The following TMEM132D variants were observed in gnomAD, a reference collection of about 807,000 sequenced individuals.
The protein encoded by TMEM132D is transmembrane protein 132D, also known as mature OL transmembrane protein.
Under a neutral mutation model 62.3 loss-of-function variants are expected in TMEM132D, and 21 were observed. That is an observed-to-expected ratio of 0.34 (90% confidence interval 0.24 to 0.49). TMEM132D has a LOEUF of 0.49. Among genes scored for constraint, TMEM132D ranks in the 20% least tolerant of loss-of-function variants. TMEM132D has a pLI of 0.99. For synonymous variants in TMEM132D, 621 were observed against 575.6 expected (o/e 1.08, Z -1.13); for missense variants, 1,346 against 1,402.8 (o/e 0.96, Z 0.65).
chr12:129,126,332 T>C (rs1876211890), intron 5 of TMEM132D, among the ~76,000 whole-genome samples: 1 of 152,004 alleles, frequency 6.6e-6, no homozygotes, highest in Non-Finnish European at 1.5e-5. Context: ...GCTATCACTT[T>C]CATTCTCTTG....
chr12:129,806,572 T>C lies in TMEM132D; in HGVS notation c.79+96689A>G, dbSNP rs543872566. 1.5e-4 allele frequency among the ~76,000 whole-genome samples: 21 copies of C among 142,020 alleles called. No homozygotes were observed. In the South Asian group the frequency reaches 3.0e-3, roughly 20 times the overall value. The allele number at this position is 142,020 out of a possible 152,430, so 93.2% of individuals were successfully genotyped here. A position where few individuals can be genotyped will look rare whatever the true frequency, so the allele number is the denominator to read the frequency against. Reference sequence around the variant, plus strand: ...GTGGGGGGAGGGGGGAGGGATAGCATTGGGAGATACACCTAATGCTAGATG... The same window carrying C: ...GTGGGGGGAGGGGGGAGGGATAGCACTGGGAGATACACCTAATGCTAGATG... On this transcript the variant is annotated intron_variant, in intron 1 of 8. Transcript: ENST00000422113.
chr12:129,298,313 G>GT (rs907866081), intron 4 of TMEM132D, among the ~76,000 whole-genome samples: 4 of 152,120 alleles, frequency 2.6e-5, no homozygotes, highest in African/African-American at 4.8e-5. Flanking sequence ...GCTTTTTAAT[G>GT]TTTTTTATTT....
intron 1 of TMEM132D, among the ~76,000 whole-genome samples, chr12:129,762,505 T>C (rs983449108): frequency 2.6e-5 from 4 of 152,126 alleles, no homozygotes; most frequent in Non-Finnish European, 4.4e-5. Context: ...TGCTCTGTCT[T>C]CTTTTCACCC....
intron 1 of TMEM132D, among the ~76,000 whole-genome samples, chr12:129,848,864 C>G (rs558258927): frequency 4.6e-5 from 7 of 152,196 alleles, no homozygotes; most frequent in Non-Finnish European, 1.0e-4. Flanking sequence ...GAAGTGAATT[C>G]TCCTACCACC....
At chr12:129,790,184 G>A (rs1355533440) in intron 1 of TMEM132D, among the ~76,000 whole-genome samples, 1 of 152,156 alleles carries the variant, frequency 6.6e-6, no homozygotes, top group Non-Finnish European at 1.5e-5. Flanking sequence ...GTGTGGCCCC[G>A]CGGCAGCATC....
intron 4 of TMEM132D, among the ~76,000 whole-genome samples, chr12:129,304,329 A>G (rs375560467): frequency 1.8e-4 from 28 of 152,040 alleles, no homozygotes; most frequent in East Asian, 3.9e-4. Flanking sequence ...TGGCCTGAAC[A>G]ATCCCATATC....
chr12:129,429,047 C>A (rs1318178498), intron 3 of TMEM132D, among the ~76,000 whole-genome samples: 1 of 150,906 alleles, frequency 6.6e-6, no homozygotes, highest in South Asian at 2.1e-4. Context: ...AGTCCAAAGT[C>A]CTTCAAGTTA....
At chr12:129,174,886 G>A (rs1363548456) in intron 5 of TMEM132D, among the ~76,000 whole-genome samples, 1 of 152,200 alleles carries the variant, frequency 6.6e-6, no homozygotes, top group African/African-American at 2.4e-5. Context: ...CTTTTGAGAA[G>A]TGTCTGTTCA....
At chr12:129,865,727 T>C (rs1014042675) in intron 1 of TMEM132D, among the ~76,000 whole-genome samples, 12 of 152,242 alleles carry the variant, frequency 7.9e-5, no homozygotes, top group African/African-American at 2.9e-4. Context: ...GCATCCTCTA[T>C]GCCCGGCACT....
At chr12:129,518,495 T>TG (rs1566095695) in intron 3 of TMEM132D, among the ~76,000 whole-genome samples, 6 of 150,488 alleles carry the variant, frequency 4.0e-5, no homozygotes, top group Admixed American at 3.3e-4. Context: ...CTTGACTATA[T>TG]TGTGTGTGTG....
intron 4 of TMEM132D, among the ~76,000 whole-genome samples, chr12:129,335,106 G>A (rs959104811): frequency 1.3e-5 from 2 of 151,000 alleles, no homozygotes; most frequent in African/African-American, 4.9e-5. Flanking sequence ...GTTTGCTATA[G>A]GCTGGGTACT....
chr12:129,110,659 A>C (rs901390278), intron 5 of TMEM132D: 16 of 152,366 alleles, frequency 1.1e-4, no homozygotes, highest in African/African-American at 3.6e-4. Context: ...AGGAGCTGCC[A>C]GGGGAAGGAC....
intron 3 of TMEM132D, among the ~76,000 whole-genome samples, chr12:129,528,252 C>T (rs919226995): frequency 1.3e-5 from 2 of 152,124 alleles, no homozygotes; most frequent in African/African-American, 4.8e-5. Context: ...CATCGCAGTC[C>T]ATTCACTATC....
At chr12:129,264,749 A>G (rs1880641798) in intron 4 of TMEM132D, among the ~76,000 whole-genome samples, 1 of 152,214 alleles carries the variant, frequency 6.6e-6, no homozygotes, top group Admixed American at 6.5e-5. Flanking sequence ...AAAGGAACGA[A>G]TTAACAGCAT....
In TMEM132D at chr12:129,241,347, G is replaced by A. The variant is rs140774960; in HGVS notation, c.1300-31684C>T. Among the ~76,000 whole-genome samples, 16 of 152,168 alleles carry A rather than the reference G, an allele frequency of 1.1e-4. No homozygotes were observed. The South Asian group carries it at 1.7e-3, about 16-fold the overall frequency. ...ACAAATAATCTGATTGCCTTGGAACGGCAAAATTCTTCCATGAGACCCTGA... is the reference window on the plus strand; with the variant it reads ...ACAAATAATCTGATTGCCTTGGAACAGCAAAATTCTTCCATGAGACCCTGA... On this transcript the variant is annotated intron_variant, in intron 4 of 8. Coordinates refer to ENST00000422113, the MANE Select transcript of TMEM132D (RefSeq NM_133448.3).
In TMEM132D at chr12:129,662,505, G is replaced by A. The variant is rs187889810; in HGVS notation, c.968+37305C>T. On this transcript the variant is annotated intron_variant, in intron 2 of 8. Transcript: ENST00000422113. Reference sequence around the variant, plus strand: ...GTCCTAATAATGCAGGTAGAAATACGAGTTATTGGCCAGGCCCGATGGCTC... The same window carrying A: ...GTCCTAATAATGCAGGTAGAAATACAAGTTATTGGCCAGGCCCGATGGCTC... 9.9e-4 allele frequency among the ~76,000 whole-genome samples: 150 copies of A among 152,216 alleles called. 1 individual carries two copies. Among genetic ancestry groups the A allele is most frequent in the Admixed American group, 2.4e-3 (37 of 15,276 alleles).
At chr12:129,433,773 G>A (rs555649912) in intron 3 of TMEM132D, among the ~76,000 whole-genome samples, 12 of 152,284 alleles carry the variant, frequency 7.9e-5, no homozygotes, top group African/African-American at 2.6e-4. Context: ...ACCCCACGAA[G>A]GGATGCCCAT....
chr12:129,883,006 C>T (rs539187315), intron 1 of TMEM132D, among the ~76,000 whole-genome samples: 6 of 152,132 alleles, frequency 3.9e-5, no homozygotes, highest in East Asian at 3.9e-4. Flanking sequence ...TATTCAACAC[C>T]GTTCTGGGGA....
intron 3 of TMEM132D, among the ~76,000 whole-genome samples, chr12:129,341,145 C>T (rs1869467003): frequency 6.6e-6 from 1 of 152,192 alleles, no homozygotes. Context: ...CAATATTTAT[C>T]ACTTCTCCAT....
Sources: gnomAD v4.1 joint callset for allele counts (sites outside exome capture counted in the v4.1 genomes callset) on GRCh38, gnomAD v4.1.1 for gene constraint, MANE v1.5 for transcripts, NCBI Gene and HGNC (gene_info 2026-07-23, HGNC 2026-07-21) for gene names.